The following SNX30 variants were observed in gnomAD, a reference collection of about 807,000 sequenced individuals.
The protein encoded by SNX30 is sorting nexin-30.
SNX30 carries 24 observed loss-of-function variants against 46.4 expected under a neutral mutation model. The observed-to-expected ratio is 0.52, with a 90% CI of 0.37 to 0.73. The LOEUF (loss-of-function observed/expected upper bound fraction) is 0.73, where lower values mean the gene tolerates loss of function less well. Ranked by LOEUF, SNX30 falls within the 30% of genes least tolerant of loss-of-function variation. The pLI, the probability that SNX30 is intolerant of heterozygous loss-of-function variation, is 0.00. For missense variants in SNX30, 533 were observed against 555.7 expected, an observed-to-expected ratio of 0.96 and a Z score of 0.41; for synonymous variants, 189 against 211.5, an observed-to-expected ratio of 0.89 and a Z score of 0.92.
At chr9:112,814,432 G>T (rs1272203043) in intron 2 of SNX30, among the ~76,000 whole-genome samples, 1 of 152,006 alleles carries the variant, frequency 6.6e-6, no homozygotes, top group African/African-American at 2.4e-5. Context: ...GTAGAGACAG[G>T]GTTTTGCCAT....
chr9:112,848,142 A>G lies in SNX30; in HGVS notation c.1015-2717A>G, dbSNP rs1840967873. Among the ~76,000 whole-genome samples the G allele has an allele frequency of 3.9e-5, 6 of 152,022 alleles. No homozygotes were observed. In the South Asian group the frequency reaches 1.2e-3, roughly 32 times the overall value. On this transcript the variant is annotated intron_variant, in intron 6 of 8. Coordinates refer to ENST00000374232, the MANE Select transcript of SNX30 (RefSeq NM_001012994.2). ...TTCGCCTTTTTGATGTGTCATATCA[A>G]TGGGATGCAGATCCCTATAAAGTTC...
rs527480172 is a variant in SNX30 at position 112,843,718 on chromosome 9, G to A, written c.1014+5021G>A. ...GCAACCTCCACTTCCCGCTTCAAGC[G>A]ATTCTCCTGCCTTAGCCTCCTGAGT... On this transcript the variant is annotated intron_variant, in intron 6 of 8. Coordinates refer to ENST00000374232, the MANE Select transcript of SNX30 (RefSeq NM_001012994.2). 7.0e-5 allele frequency among the ~76,000 whole-genome samples: 10 copies of A among 141,882 alleles called. No individual in the cohort carries two copies. The South Asian group carries it at 1.7e-3, about 24-fold the overall frequency. 93.1% of individuals were successfully genotyped at this position (141,882 alleles called of 152,430 possible).
chr9:112,865,661 A>ATATATATATATGTGTGTGTGTGTGTGTG, intron 8 of SNX30, among the ~76,000 whole-genome samples: 1 of 105,686 alleles, frequency 9.5e-6, no homozygotes, highest in African/African-American at 3.8e-5. Flanking sequence ...ATATATATAT[A>ATATATATATATGTGTGTGTGTGTGTGTG]TGTATGTATG....
intron 1 of SNX30, among the ~76,000 whole-genome samples, chr9:112,754,537 C>G (rs1340807437): frequency 2.0e-5 from 3 of 151,224 alleles, no homozygotes; most frequent in African/African-American, 7.3e-5. Flanking sequence ...TCCTGAGTAG[C>G]TGAGATTACA....
intron 7 of SNX30, among the ~76,000 whole-genome samples, chr9:112,851,244 A>T (rs1841020655): frequency 1.3e-5 from 2 of 152,244 alleles, no homozygotes; most frequent in Admixed American, 6.5e-5. Flanking sequence ...GAAGGAAAGA[A>T]TAGCCTAAAT....
chr9:112,811,290 A>G (rs1321043701), intron 2 of SNX30, among the ~76,000 whole-genome samples: 1 of 152,212 alleles, frequency 6.6e-6, no homozygotes, highest in African/African-American at 2.4e-5. Context: ...GGGGTTGCCT[A>G]GAATTCTTAA....
intron 5 of SNX30, among the ~76,000 whole-genome samples, chr9:112,836,757 C>G (rs1464732610): frequency 6.6e-6 from 1 of 152,188 alleles, no homozygotes; most frequent in Non-Finnish European, 1.5e-5. Context: ...AGTAAACAAA[C>G]TTAGATACCT....
chr9:112,842,445 G>T (rs963501884), intron 6 of SNX30, among the ~76,000 whole-genome samples: 2 of 152,330 alleles, frequency 1.3e-5, no homozygotes, highest in South Asian at 4.1e-4. Context: ...TGGATGGCTG[G>T]TCCCTCCCTG....
At chr9:112,865,661 A>ATATATATATATATGTGTGTGTGTGTGTG in intron 8 of SNX30, among the ~76,000 whole-genome samples, 1 of 105,700 alleles carries the variant, frequency 9.5e-6, no homozygotes, top group Admixed American at 9.5e-5. Flanking sequence ...ATATATATAT[A>ATATATATATATATGTGTGTGTGTGTGTG]TGTATGTATG....
chr9:112,782,246 A>G (rs1214033047), intron 1 of SNX30, among the ~76,000 whole-genome samples: 2 of 151,680 alleles, frequency 1.3e-5, no homozygotes, highest in Non-Finnish European at 2.9e-5. Flanking sequence ...TTGTATTTTT[A>G]TTAGAGATGG....
intron 1 of SNX30, among the ~76,000 whole-genome samples, chr9:112,798,036 G>T (rs924266177): frequency 1.1e-4 from 17 of 150,706 alleles, no homozygotes; most frequent in Admixed American, 9.9e-4. Context: ...GTTTACCTGG[G>T]CCCACGTGGT....
intron 2 of SNX30, among the ~76,000 whole-genome samples, chr9:112,816,331 G>A (rs918577407): frequency 2.0e-5 from 3 of 152,198 alleles, no homozygotes; most frequent in Admixed American, 6.5e-5. Context: ...TTGAAAATTT[G>A]TCAACAATGA....
downstream of SNX30, among the ~76,000 whole-genome samples, chr9:112,875,676 T>A (rs905941301): frequency 6.6e-6 from 1 of 152,262 alleles, no homozygotes; most frequent in African/African-American, 2.4e-5. Flanking sequence ...AGCCCCTTTC[T>A]AAAGACTTCC....
intron 1 of SNX30, among the ~76,000 whole-genome samples, chr9:112,763,956 C>A (rs911063684): frequency 6.6e-6 from 1 of 152,012 alleles, no homozygotes; most frequent in East Asian, 1.9e-4. Flanking sequence ...TACCCATCAC[C>A]CAAATAATGT....
At chr9:112,851,684 C>T (rs1588138529) in intron 7 of SNX30, among the ~76,000 whole-genome samples, 1 of 152,178 alleles carries the variant, frequency 6.6e-6, no homozygotes, top group African/African-American at 2.4e-5. Flanking sequence ...GCTTACTGGA[C>T]ACTGGAGTTT....
At chr9:112,770,555 T>C (rs928118068) in intron 1 of SNX30, among the ~76,000 whole-genome samples, 4 of 152,096 alleles carry the variant, frequency 2.6e-5, no homozygotes, top group African/African-American at 9.7e-5. Context: ...TCCAAGTACA[T>C]GGGTAATCTG....
intron 1 of SNX30, among the ~76,000 whole-genome samples, chr9:112,761,683 A>G (rs1839438561): frequency 6.6e-6 from 1 of 152,028 alleles, no homozygotes; most frequent in Non-Finnish European, 1.5e-5. Flanking sequence ...GCCGTCTTTG[A>G]GAGGGGGGCG....
chr9:112,770,043 G>A (rs750167757), intron 1 of SNX30, among the ~76,000 whole-genome samples: 3 of 152,066 alleles, frequency 2.0e-5, no homozygotes, highest in Non-Finnish European at 4.4e-5. Context: ...TACTGTACCA[G>A]CCGCCTGACT....
intron 1 of SNX30, among the ~76,000 whole-genome samples, chr9:112,786,152 C>G (rs1282418187): frequency 6.7e-6 from 1 of 148,710 alleles, no homozygotes. Context: ...AGATCTCACC[C>G]TGTCACCCAG....
Sources: gnomAD v4.1 joint callset for allele counts (sites outside exome capture counted in the v4.1 genomes callset) on GRCh38, gnomAD v4.1.1 for gene constraint, MANE v1.5 for transcripts, NCBI Gene and HGNC (gene_info 2026-07-23, HGNC 2026-07-21) for gene names.